Variants in MOB3B observed in about 807,000 individuals in gnomAD.
MOB3B encodes MOB kinase activator 3B, also known as MOB kinase activator-like 2B.
Under a neutral mutation model 18.7 loss-of-function variants are expected in MOB3B, and 7 were observed. That is an observed-to-expected ratio of 0.37 (90% CI 0.21 to 0.70). MOB3B has a LOEUF of 0.70. Among genes scored for constraint, MOB3B ranks in the 30% least tolerant of loss-of-function variants. MOB3B has a pLI of 0.52. For synonymous variants in MOB3B, 111 were observed against 99.9 expected (o/e 1.11, Z -0.66); for missense variants, 253 against 281.3 (o/e 0.90, Z 0.72).
intron 3 of MOB3B, among the ~76,000 whole-genome samples, chr9:27,331,159 C>T (rs558794006): frequency 1.3e-5 from 2 of 152,262 alleles, no homozygotes; most frequent in African/African-American, 2.4e-5. Context: ...ATGAATAATA[C>T]ACCAAAGTGT....
intron 1 of MOB3B, among the ~76,000 whole-genome samples, chr9:27,481,951 A>AT (rs898925984): frequency 8.6e-5 from 13 of 151,990 alleles, no homozygotes; most frequent in Middle Eastern, 6.8e-3. Flanking sequence ...TCAGCCATGA[A>AT]TTTTTTTTTA....
chr9:27,492,287 G>C (rs542026910), intron 1 of MOB3B, among the ~76,000 whole-genome samples: 9 of 152,124 alleles, frequency 5.9e-5, no homozygotes, highest in Non-Finnish European at 1.3e-4. Flanking sequence ...TCATTATAAT[G>C]ATCATAAAAT....
intron 1 of MOB3B, among the ~76,000 whole-genome samples, chr9:27,521,214 TG>T (rs1297257326): frequency 1.3e-5 from 2 of 152,150 alleles, no homozygotes; most frequent in Non-Finnish European, 2.9e-5. Flanking sequence ...GTGACGGAAA[TG>T]TCATAAACAC....
chr9:27,504,959 T>G (rs1179645964), intron 1 of MOB3B, among the ~76,000 whole-genome samples: 1 of 152,154 alleles, frequency 6.6e-6, no homozygotes, highest in African/African-American at 2.4e-5. Context: ...CCTCTGCTTC[T>G]GTCATTGCAT....
chr9:27,462,117 A>C (rs1276254246), intron 1 of MOB3B, among the ~76,000 whole-genome samples: 2 of 152,236 alleles, frequency 1.3e-5, no homozygotes, highest in African/African-American at 4.8e-5. Flanking sequence ...CAGTTGTAAA[A>C]ATAAATAGTA....
chr9:27,341,235 A>C (rs1267612799), intron 3 of MOB3B, among the ~76,000 whole-genome samples: 1 of 152,238 alleles, frequency 6.6e-6, no homozygotes, highest in African/African-American at 2.4e-5. Flanking sequence ...ACTCTTAATG[A>C]CATGCAAGAA....
chr9:27,348,550 G>A (rs1821062391), intron 3 of MOB3B, among the ~76,000 whole-genome samples: 1 of 152,042 alleles, frequency 6.6e-6, no homozygotes, highest in Non-Finnish European at 1.5e-5. Flanking sequence ...CTGCTCTGGA[G>A]GCTGAGGCAG....
intron 1 of MOB3B, among the ~76,000 whole-genome samples, chr9:27,521,841 G>A (rs547228029): frequency 4.6e-5 from 7 of 152,262 alleles, no homozygotes; most frequent in Admixed American, 2.0e-4. Flanking sequence ...AAATACTCTA[G>A]AGTAGAAATG....
intron 2 of MOB3B, among the ~76,000 whole-genome samples, chr9:27,416,101 G>A (rs1822143063): frequency 6.6e-6 from 1 of 152,106 alleles, no homozygotes; most frequent in African/African-American, 2.4e-5. Flanking sequence ...ACAATTTCCT[G>A]ATTGATAAAA....
intron 1 of MOB3B, chr9:27,525,073 G>C (rs771256357): frequency 4.4e-6 from 4 of 908,628 alleles, no homozygotes; most frequent in Non-Finnish European, 6.5e-6. Context: ...TCCTCAGTTG[G>C]ACTGGTAGCC....
At chr9:27,351,381 C>T (rs1821103835) in intron 3 of MOB3B, among the ~76,000 whole-genome samples, 1 of 141,786 alleles carries the variant, frequency 7.1e-6, no homozygotes, top group African/African-American at 2.7e-5. Flanking sequence ...GGGATGATGT[C>T]TTTTACAGGT....
At chr9:27,409,054 C>T (rs1358873755) in intron 2 of MOB3B, among the ~76,000 whole-genome samples, 1 of 152,206 alleles carries the variant, frequency 6.6e-6, no homozygotes, top group Non-Finnish European at 1.5e-5. Flanking sequence ...CTCACACAAC[C>T]TTGGCAGCTG....
At chr9:27,389,325 C>A (rs1223078302) in intron 2 of MOB3B, among the ~76,000 whole-genome samples, 1 of 150,116 alleles carries the variant, frequency 6.7e-6, no homozygotes, top group Non-Finnish European at 1.5e-5. Flanking sequence ...GCTTTATGTG[C>A]TCTGCCTCCT....
chr9:27,455,468 A>G lies in MOB3B; in HGVS notation c.83T>C (p.Phe28Ser). Residue 28 changes from phenylalanine to serine, a missense_variant, in exon 2 of 4, where the codon TTT (phenylalanine) becomes TCT (serine). Transcript: ENST00000262244. Reference protein sequence around the residue: ...KRKFEPGTQRFELHKRAQASL... With the variant: ...KRKFEPGTQRSELHKRAQASL... Reference sequence around the variant, plus strand: ...TGCCTGAGCCCGTTTGTGCAGCTCAAACCTCTGTGTGCCAGGTTCAAATTT... The same window carrying G: ...TGCCTGAGCCCGTTTGTGCAGCTCAGACCTCTGTGTGCCAGGTTCAAATTT... The G allele has an allele frequency of 6.2e-7, 1 of 1,614,198 alleles. No homozygotes were observed. Among genetic ancestry groups the G allele is most frequent in the Non-Finnish European group, 8.5e-7 (1 of 1,180,036 alleles).
In MOB3B at chr9:27,517,647, C is replaced by CAAAA. The variant is rs756559270; in HGVS notation, c.-199+11904_-199+11907dup. 6.3e-3 allele frequency among the ~76,000 whole-genome samples: 338 copies of CAAAA among 53,880 alleles called. 19 individuals carry two copies. Among genetic ancestry groups the CAAAA allele is most frequent in the Non-Finnish European group, 7.1e-3 (236 of 33,068 alleles). The allele number at this position is 53,880 out of a possible 152,430, so 35.3% of individuals were successfully genotyped here. On this transcript the variant is annotated intron_variant, in intron 1 of 3. Coordinates refer to ENST00000262244, the MANE Select transcript of MOB3B (RefSeq NM_024761.5). ...TGGCCGACAGAGCGAGACTCTGTCTCAAAAAAAAAAAAAAAAAAAAAAAAA... is the reference window on the plus strand; with the variant it reads ...TGGCCGACAGAGCGAGACTCTGTCTCAAAAAAAAAAAAAAAAAAAAAAAAAAAAA...
intron 2 of MOB3B, among the ~76,000 whole-genome samples, 180 bp from the exon 3 acceptor site, chr9:27,359,416 C>T (rs1292069956): frequency 6.7e-6 from 1 of 149,856 alleles, no homozygotes; most frequent in East Asian, 2.0e-4. Flanking sequence ...AAAGCACCTT[C>T]CACCTCCCCA....
At chr9:27,358,897 A>C in intron 3 of MOB3B, 137 bp downstream of exon 3, 2 of 906,032 alleles carry the variant, frequency 2.2e-6, no homozygotes, top group Non-Finnish European at 3.7e-6. Flanking sequence ...GTTGACCACT[A>C]AACCCCATTC....
At chr9:27,478,416 G>T (rs1166331770) in intron 1 of MOB3B, among the ~76,000 whole-genome samples, 2 of 151,870 alleles carry the variant, frequency 1.3e-5, no homozygotes, top group East Asian at 1.9e-4. Context: ...TAACATAAAA[G>T]AAGGAATAAA....
At chr9:27,404,285 A>T (rs954065655) in intron 2 of MOB3B, among the ~76,000 whole-genome samples, 1 of 151,416 alleles carries the variant, frequency 6.6e-6, no homozygotes, top group African/African-American at 2.4e-5. Flanking sequence ...TATATGGCTG[A>T]ATAATATTCC....
Sources: allele counts gnomAD v4.1 joint callset (sites outside exome capture counted in the v4.1 genomes callset), GRCh38; gene constraint gnomAD v4.1.1; transcripts MANE v1.5; gene names NCBI Gene and HGNC (gene_info 2026-07-23, HGNC 2026-07-21).